The following ASPM variants were observed in gnomAD, a reference collection of about 807,000 sequenced individuals.
ASPM encodes the protein assembly factor for spindle microtubules, also known as abnormal spindle-like microcephaly-associated protein.
In ASPM, 256 loss-of-function variants were observed where a neutral mutation model predicts 366.4. The ratio of observed to expected loss-of-function variants is 0.70; its 90% CI spans 0.63 to 0.77. The LOEUF (loss-of-function observed/expected upper bound fraction) is 0.77, where lower values mean the gene tolerates loss of function less well. Ranked by LOEUF, ASPM falls within the 30% of genes least tolerant of loss-of-function variation. ASPM has a pLI of 0.00. For synonymous variants in ASPM, 1,414 were observed against 1,342.9 expected (o/e 1.05, Z -1.16); for missense variants, 4,146 against 4,090.4 (o/e 1.01, Z -0.37).
chr1:197,121,965 G>C lies in ASPM; in HGVS notation c.3820C>G (p.Gln1274Glu). The change falls in exon 16 of 28, where the codon CAA (glutamine) becomes GAA (glutamate). Residue 1274 changes from glutamine to glutamate, a missense_variant. Gln to Glu is a conservative substitution (Grantham distance 29, BLOSUM62 2). This residue lies in a region of ASPM where 3,624 missense variants were observed against 3,591.7 expected (regional missense o/e 1.01). Coordinates refer to ENST00000367409, the MANE Select transcript of ASPM (RefSeq NM_018136.5). ...AGTTTATATTTTCTCCATGTTGTTT[G>C]TATGAGTCGAGCAGCTCTTATTTCT... ...RKEIRAARLI[Q>E]TTWRKYKLKT... 1 of 1,611,512 alleles carries C rather than the reference G, an allele frequency of 6.2e-7. No homozygotes were observed.
chr1:197,098,853 C>T (rs1657064952), intron 18 of ASPM, among the ~76,000 whole-genome samples: 1 of 151,378 alleles, frequency 6.6e-6, no homozygotes, highest in African/African-American at 2.4e-5. Context: ...AATTCTAATA[C>T]TCACACTACT....
chr1:197,106,548 T>C (rs1315016777), intron 17 of ASPM, among the ~76,000 whole-genome samples: 1 of 152,086 alleles, frequency 6.6e-6, no homozygotes, highest in African/African-American at 2.4e-5. Context: ...TTTTATACTT[T>C]AATAATCACT....
In ASPM at chr1:197,103,452, T is replaced by C. The variant is rs1440630690; in HGVS notation, c.5799A>G (p.Ala1933=). Residue 1933 remains alanine, a synonymous_variant, in exon 18 of 28, where the codon GCA becomes GCG. Transcript: ENST00000367409. ...TACATTGCTTCCTTCCTGCAGTCCA[T>C]GCTCTGAAATTTTGCTGGATGACTA... ...AALVIQQNFR[A]WTAGRKQCME... The C allele has an allele frequency of 1.9e-6, 3 of 1,613,264 alleles. No individual in the cohort carries two copies. The highest frequency in any genetic ancestry group is 2.7e-5 in the African/African-American group (2 of 74,842).
At chr1:197,139,727 T>A (rs1557963620) in intron 4 of ASPM, 40 bp downstream of exon 4, 1 of 1,389,764 alleles carries the variant, frequency 7.2e-7, no homozygotes, top group Non-Finnish European at 1.0e-6. Flanking sequence ...CTTCATTCGA[T>A]GTCATGTTTT....
chr1:197,091,985 A>G lies in ASPM; in HGVS notation c.9366T>C (p.Val3122=). The G allele has an allele frequency of 2.5e-6, 4 of 1,611,890 alleles. No homozygotes were observed. Among genetic ancestry groups the G allele is most frequent in the Non-Finnish European group, 2.5e-6 (3 of 1,178,688 alleles). The change falls in exon 22 of 28, where the codon GTT becomes GTC. Residue 3122 remains valine, a synonymous_variant. Coordinates refer to ENST00000367409, the MANE Select transcript of ASPM (RefSeq NM_018136.5). The stretch of plus-strand genomic sequence containing the variant: ...AAAGTTTATAGGCTCTTTGAATTCT[A>G]ACAGCATTCAGGTGATAATATGCAG... The part of the protein sequence containing the change: ...TAAAYYHLNA[V]RIQRAYKLYL...
At chr1:197,137,203 CATTA>C (rs1200170884) in intron 4 of ASPM, among the ~76,000 whole-genome samples, 6 of 152,148 alleles carry the variant, frequency 3.9e-5, no homozygotes, top group African/African-American at 1.2e-4. Flanking sequence ...TAAGAAGTCA[CATTA>C]ATTATTTTTT....
At chr1:197,111,013 C>T (rs182136625) in intron 17 of ASPM, among the ~76,000 whole-genome samples, 11 of 151,948 alleles carry the variant, frequency 7.2e-5, no homozygotes, top group East Asian at 1.9e-4. Context: ...AATACTACTC[C>T]GGATATCAGC....
intron 12 of ASPM, 36 bp from the exon 13 acceptor site, chr1:197,124,367 A>G (rs1055042316): frequency 7.4e-7 from 1 of 1,347,900 alleles, no homozygotes; most frequent in Admixed American, 1.8e-5. Flanking sequence ...ATACCTTCAT[A>G]TTTTCCATAG....
rs41310925 is a variant in ASPM, at chr1:197,103,290, T to C, written c.5961A>G (p.Gln1987=). ...IQSYYRMHVQ[Q]KKWKIMKKAA... ...CTTTTTTCATGATTTTCCACTTCTT[T>C]TGTTGCACATGCATTCTATAGTATG... The change falls in exon 18 of 28, where the codon CAA becomes CAG. Residue 1987 remains glutamine (Q), a synonymous_variant. Coordinates refer to ENST00000367409, the MANE Select transcript of ASPM (RefSeq NM_018136.5). 626,782 of 1,612,890 alleles carry C rather than the reference T, an allele frequency of 0.39. 129,758 individuals are homozygous for C. Among genetic ancestry groups the C allele is most frequent in the Non-Finnish European group, 0.43 (510,852 of 1,179,342 alleles).
rs781451526 is a variant in ASPM at position 197,089,987 on chromosome 1, AC to A, written c.9926del (p.Ser3309IlefsTer31). Reference protein sequence around the residue: ...IFVLIRSCNRSIPCMEVIRYA... With the variant: ...IFVLIRSCNRXIPCMEVIRYA... ...ATCTGATGACTTCCATACAAGGAAT[AC>A]TGCGATTACAACTTCGGATCAAAAC... On this transcript the variant is annotated frameshift_variant, in exon 25 of 28. Transcript: ENST00000367409. LOFTEE classifies it high-confidence loss of function. 6.2e-7 allele frequency: 1 copy of A among 1,613,468 alleles called. No individual in the cohort carries two copies. Among genetic ancestry groups the A allele is most frequent in the Non-Finnish European group, 8.5e-7 (1 of 1,179,570 alleles).
chr1:197,084,927 T>C (rs1177882438), intron 27 of ASPM, among the ~76,000 whole-genome samples: 1 of 152,158 alleles, frequency 6.6e-6, no homozygotes, highest in African/African-American at 2.4e-5. Context: ...CCATCCACCA[T>C]TTCTGATTCA....
At chr1:197,107,197 C>T (rs568302399) in intron 17 of ASPM, among the ~76,000 whole-genome samples, 29 of 152,112 alleles carry the variant, frequency 1.9e-4, no homozygotes, top group Admixed American at 1.8e-3. Context: ...TCTAGGTTCA[C>T]CACCAAGTTG....
Position 197,084,387 on chromosome 1 carries a change from T to G in ASPM, c.10371A>C (p.Glu3457Asp). ...TAGCTTGCAGGGGATTTGTGATTTC[T>G]TCCATGTTATCTCTTCTCAAAACCC... Reference protein sequence around the residue: ...PDWVLRRDNMEEITNPLQAIQ... With the variant: ...PDWVLRRDNMDEITNPLQAIQ... Residue 3457 changes from glutamate (E) to aspartate (D), a missense_variant, in exon 28 of 28, where the codon GAA becomes GAC. By Grantham distance (45) the Glu-to-Asp change is conservative. Around this residue, in one of 3 missense-constraint regions of ASPM, gnomAD observed 3,624 missense variants for 3,591.7 expected, o/e 1.01. Coordinates refer to ENST00000367409, the MANE Select transcript of ASPM (RefSeq NM_018136.5). The G allele has an allele frequency of 1.2e-6, 2 of 1,613,080 alleles. No homozygotes were observed. Among genetic ancestry groups the G allele is most frequent in the Non-Finnish European group, 1.7e-6 (2 of 1,179,742 alleles).
intron 18 of ASPM, among the ~76,000 whole-genome samples, chr1:197,096,969 G>A (rs977636111): frequency 6.6e-5 from 10 of 151,802 alleles, no homozygotes; most frequent in African/African-American, 2.4e-4. Flanking sequence ...ACAGAGTCAA[G>A]ATTTGAACCC....
In ASPM at chr1:197,143,734, T is replaced by A. The variant is rs1658678807; in HGVS notation, c.518A>T (p.Gln173Leu). 6.2e-7 allele frequency: 1 copy of A among 1,613,518 alleles called. No individual in the cohort carries two copies. The highest frequency in any genetic ancestry group is 1.3e-5 in the African/African-American group (1 of 75,002). ...TSHNRRVSNI[Q>L]NVNKTFSVSQ... ...AACACTAAATGTTTTATTAACATTC[T>A]GAATATTTGAAACCCTTCTGTTGTG... The change falls in exon 3 of 28, where the codon CAG becomes CTG. Residue 173 changes from glutamine (Q) to leucine (L), a missense_variant. Gln to Leu is a moderately radical substitution (Grantham distance 113). Coordinates refer to ENST00000367409, the MANE Select transcript of ASPM (RefSeq NM_018136.5).
At chr1:197,116,504 C>T (rs562351131) in intron 17 of ASPM, among the ~76,000 whole-genome samples, 5 of 152,256 alleles carry the variant, frequency 3.3e-5, no homozygotes, top group Admixed American at 2.0e-4. Context: ...TTGCCACAAA[C>T]CTTCAGTTCG....
chr1:197,112,792 T>G (rs1213141639), intron 17 of ASPM, among the ~76,000 whole-genome samples: 1 of 152,084 alleles, frequency 6.6e-6, no homozygotes, highest in Non-Finnish European at 1.5e-5. Context: ...GTCTCATGTC[T>G]CCCTAAAATG....
intron 17 of ASPM, 112 bp downstream of exon 17, chr1:197,117,677 T>A: frequency 1.1e-6 from 1 of 933,290 alleles, no homozygotes; most frequent in Non-Finnish European, 1.6e-6. Context: ...AATTAAGTAT[T>A]AGATAAAGAA....
intron 18 of ASPM, among the ~76,000 whole-genome samples, chr1:197,099,982 C>G (rs1657101418): frequency 6.6e-6 from 1 of 151,618 alleles, no homozygotes; most frequent in Non-Finnish European, 1.5e-5. Flanking sequence ...AGCCAAAGTA[C>G]TAAACACTCA....
Sources: gnomAD v4.1 joint callset for allele counts (sites outside exome capture counted in the v4.1 genomes callset) on GRCh38, gnomAD v4.1.1 for gene constraint, gnomAD v4.1.1 regional missense constraint, MANE v1.5 for transcripts, NCBI Gene and HGNC (gene_info 2026-07-23, HGNC 2026-07-21) for gene names.